UNC5D: variants seen among roughly 807,000 people sequenced by gnomAD.
UNC5D encodes the protein unc-5 netrin receptor D, also known as netrin receptor UNC5D.
Under a neutral mutation model 105.4 loss-of-function variants are expected in UNC5D, and 39 were observed. The observed-to-expected ratio is 0.37, with a 90% CI of 0.29 to 0.48. The LOEUF is 0.48. Ranked by LOEUF, UNC5D falls within the 20% of genes least tolerant of loss-of-function variation. The pLI is 0.98. For synonymous variants in UNC5D, 452 were observed against 450.4 expected, an observed-to-expected ratio of 1.00 and a Z score of -0.04; for missense variants, 991 against 1,202.4, an observed-to-expected ratio of 0.82 and a Z score of 2.60.
intron 1 of UNC5D, among the ~76,000 whole-genome samples, chr8:35,508,951 T>G (rs1284238379): frequency 6.6e-6 from 1 of 152,230 alleles, no homozygotes; most frequent in Non-Finnish European, 1.5e-5. Flanking sequence ...CTTAAATAGT[T>G]TGAATTTATT....
At chr8:35,608,021 C>T (rs866735257) in intron 4 of UNC5D, among the ~76,000 whole-genome samples, 12 of 152,094 alleles carry the variant, frequency 7.9e-5, no homozygotes, top group Non-Finnish European at 1.5e-4. Context: ...GACTGTAATC[C>T]TGCATGGCCT....
chr8:35,245,901 A>C (rs1252186962), intron 1 of UNC5D, among the ~76,000 whole-genome samples: 1 of 152,222 alleles, frequency 6.6e-6, no homozygotes, highest in Non-Finnish European at 1.5e-5. Flanking sequence ...CATTAGTAAC[A>C]CTTAAACTTG....
chr8:35,307,551 T>A (rs1229082360), intron 1 of UNC5D, among the ~76,000 whole-genome samples: 1 of 152,096 alleles, frequency 6.6e-6, no homozygotes, highest in African/African-American at 2.4e-5. Context: ...GAGGAGAGGC[T>A]CAAGAAAGAG....
intron 3 of UNC5D, among the ~76,000 whole-genome samples, chr8:35,569,610 G>C (rs373119788): frequency 1.3e-5 from 2 of 152,188 alleles, no homozygotes; most frequent in East Asian, 1.9e-4. Context: ...CTTGGTGTGA[G>C]AGCCAAGGGA....
chr8:35,543,116 A>G (rs1182809474), intron 1 of UNC5D, among the ~76,000 whole-genome samples: 1 of 152,178 alleles, frequency 6.6e-6, no homozygotes, highest in East Asian at 1.9e-4. Flanking sequence ...TTTGATTCTC[A>G]TGTAAAGTTC....
chr8:35,300,030 A>G (rs905359309), intron 1 of UNC5D, among the ~76,000 whole-genome samples: 1 of 152,210 alleles, frequency 6.6e-6, no homozygotes, highest in African/African-American at 2.4e-5. Context: ...AAGATAAATC[A>G]GAAACCAGTG....
intron 16 of UNC5D, among the ~76,000 whole-genome samples, chr8:35,781,053 C>T (rs1011765736): frequency 6.6e-6 from 1 of 152,116 alleles, no homozygotes; most frequent in Non-Finnish European, 1.5e-5. Flanking sequence ...ATACATCGGT[C>T]CTTGTAGTCA....
intron 7 of UNC5D, among the ~76,000 whole-genome samples, chr8:35,697,825 G>A (rs1826897203): frequency 6.6e-6 from 1 of 152,156 alleles, no homozygotes; most frequent in Non-Finnish European, 1.5e-5. Flanking sequence ...GAGGACTAAT[G>A]AAGCTGAAAA....
At chr8:35,534,349 CATG>C (rs984460301) in intron 1 of UNC5D, among the ~76,000 whole-genome samples, 8 of 151,956 alleles carry the variant, frequency 5.3e-5, no homozygotes, top group African/African-American at 1.7e-4. Context: ...TTTTTAATGA[CATG>C]ATATTGTCTT....
intron 1 of UNC5D, among the ~76,000 whole-genome samples, chr8:35,516,667 C>T (rs1308964443): frequency 6.6e-6 from 1 of 152,204 alleles, no homozygotes; most frequent in East Asian, 1.9e-4. Context: ...TTCATCTACC[C>T]AGATCTCCCC....
chr8:35,330,498 G>A (rs1013571782), intron 1 of UNC5D, among the ~76,000 whole-genome samples: 5 of 152,178 alleles, frequency 3.3e-5, no homozygotes, highest in South Asian at 2.1e-4. Flanking sequence ...TAGCTGATGC[G>A]CTACAGTTAT....
intron 4 of UNC5D, among the ~76,000 whole-genome samples, chr8:35,679,150 T>C (rs1005245374): frequency 3.3e-5 from 5 of 152,044 alleles, no homozygotes; most frequent in Non-Finnish European, 7.4e-5. Flanking sequence ...GTCAGGAGGC[T>C]GAGGTGGGAG....
intron 1 of UNC5D, 21 bp from the exon 2 acceptor site, chr8:35,549,271 A>G (rs1438203055): frequency 5.6e-6 from 9 of 1,611,742 alleles, no homozygotes; most frequent in Non-Finnish European, 7.6e-6. Flanking sequence ...CTGTGTTCTG[A>G]TGTCTTTTTT....
At chr8:35,327,525 G>A (rs1286010972) in intron 1 of UNC5D, among the ~76,000 whole-genome samples, 1 of 152,204 alleles carries the variant, frequency 6.6e-6, no homozygotes, top group East Asian at 1.9e-4. Flanking sequence ...ATTTCTGTGA[G>A]TGCACAAGGT....
intron 1 of UNC5D, among the ~76,000 whole-genome samples, chr8:35,497,959 C>A (rs1811710186): frequency 6.6e-6 from 1 of 151,720 alleles, no homozygotes; most frequent in African/African-American, 2.4e-5. Flanking sequence ...ATCGCAGCTA[C>A]TCATGAGGCT....
intron 1 of UNC5D, among the ~76,000 whole-genome samples, chr8:35,263,582 A>C (rs1030106156): frequency 6.6e-6 from 1 of 152,216 alleles, no homozygotes; most frequent in African/African-American, 2.4e-5. Context: ...TTTCTAAGTC[A>C]TAATGGAGTT....
intron 3 of UNC5D, among the ~76,000 whole-genome samples, chr8:35,579,101 C>G (rs1197485595): frequency 2.0e-5 from 3 of 152,156 alleles, no homozygotes; most frequent in African/African-American, 7.2e-5. Context: ...CAATTCAACT[C>G]TCATTTTCTC....
intron 1 of UNC5D, among the ~76,000 whole-genome samples, chr8:35,265,725 C>G (rs1347575444): frequency 6.6e-6 from 1 of 151,872 alleles, no homozygotes; most frequent in African/African-American, 2.4e-5. Context: ...AAAAAATTAG[C>G]CGGGCATGGT....
At chr8:35,253,682 G>A (rs1039430854) in intron 1 of UNC5D, among the ~76,000 whole-genome samples, 2 of 151,498 alleles carry the variant, frequency 1.3e-5, no homozygotes, top group African/African-American at 4.9e-5. Flanking sequence ...GTAGAGATGG[G>A]GTTCCACCAT....
Sources: gnomAD v4.1 joint callset for allele counts (sites outside exome capture counted in the v4.1 genomes callset) on GRCh38, gnomAD v4.1.1 for gene constraint, MANE v1.5 for transcripts, NCBI Gene and HGNC (gene_info 2026-07-23, HGNC 2026-07-21) for gene names.